ZNF844: variants seen among roughly 807,000 people sequenced by gnomAD.
ZNF844 encodes the protein zinc finger protein 844.
A neutral mutation model predicts 11.4 loss-of-function variants in ZNF844; 11 were observed. The ratio of observed to expected loss-of-function variants is 0.97; its 90% CI spans 0.61 to 1.60. ZNF844 has a LOEUF of 1.60. Among genes scored for constraint, ZNF844 ranks in the 40% most tolerant of loss-of-function variants. The probability of loss-of-function intolerance (pLI) is 0.00; values close to 1 mark genes in which losing one functional copy is unlikely to be tolerated. For missense variants in ZNF844, 790 were observed against 796.8 expected (o/e 0.99, Z 0.10); for synonymous variants, 248 against 260.3 (o/e 0.95, Z 0.46).
intron 1 of ZNF844, among the ~76,000 whole-genome samples, chr19:12,067,250 G>T (rs1214852385): frequency 2.0e-5 from 3 of 151,874 alleles, no homozygotes; most frequent in East Asian, 3.9e-4. Flanking sequence ...GTCAGTCAAG[G>T]CTGCACCGAA....
chr19:12,074,460 A>G (rs1353384840), intron 3 of ZNF844, 39 bp downstream of exon 3: 3 of 1,354,054 alleles, frequency 2.2e-6, no homozygotes, highest in Admixed American at 2.4e-5. Flanking sequence ...GTCTCTCTAG[A>G]AAATCTCAGA....
At chr19:12,074,447 A>G (rs1431315002) in intron 3 of ZNF844, 26 bp downstream of exon 3, 1 of 1,453,322 alleles carries the variant, frequency 6.9e-7, no homozygotes, top group Non-Finnish European at 9.3e-7. Flanking sequence ...GAGACAAAGC[A>G]ATGTCTCTCT....
At chr19:12,071,081 A>G (rs1975748393) in intron 1 of ZNF844, among the ~76,000 whole-genome samples, 1 of 152,128 alleles carries the variant, frequency 6.6e-6, no homozygotes, top group Non-Finnish European at 1.5e-5. Context: ...AGTCCTTGAG[A>G]TCCTCCCAGC....
rs370257100 is a variant in ZNF844, at chr19:12,064,801, C to T, written c.-73C>T. On this transcript the variant is annotated 5_prime_UTR_variant, in exon 1 of 4. Coordinates refer to ENST00000439326, the MANE Select transcript of ZNF844 (RefSeq NM_001136501.3). ...CTGCTCTGAGAGGGACCGGTTGCCA[C>T]CGCCATACTTCTGTCGCCCTGTCGT... 1.2e-5 allele frequency: 18 copies of T among 1,528,388 alleles called. No individual in the cohort carries two copies. The South Asian group carries it at 1.3e-4, about 11-fold the overall frequency. The allele number at this position is 1,528,388 out of a possible 1,614,324, so 94.7% of individuals were successfully genotyped here.
intron 1 of ZNF844, among the ~76,000 whole-genome samples, chr19:12,072,227 G>A (rs568679843): frequency 5.3e-5 from 8 of 152,272 alleles, no homozygotes; most frequent in Admixed American, 2.6e-4. Flanking sequence ...GGGACAGAAA[G>A]TTATTTTGTA....
chr19:12,079,610 A>T lies in ZNF844; in HGVS notation c.*2489A>T, dbSNP rs1229886342. On this transcript the variant is annotated 3_prime_UTR_variant, in exon 4 of 4. Transcript: ENST00000439326. ...GAGCTGGATGTTGCAGTGACCCGAG[A>T]TTACGCCACTGTACCCCAGCAGAGT... 1.3e-5 allele frequency: 2 copies of T among 151,000 alleles called. No individual in the cohort carries two copies. Among genetic ancestry groups the T allele is most frequent in the Non-Finnish European group, 2.9e-5 (2 of 67,988 alleles). 9.4% of individuals were successfully genotyped at this position (151,000 alleles called of 1,614,324 possible).
chr19:12,075,438 T>G lies in ZNF844; in HGVS notation c.318T>G (p.Ser106Arg). The change falls in exon 4 of 4, where the codon AGT (serine) becomes AGG (arginine). Residue 106 changes from serine (S) to arginine (R), a missense_variant. This residue lies in a region of ZNF844 where 129 missense variants were observed against 144.0 expected (regional missense o/e 0.90). Transcript: ENST00000439326. ...TSPGVKSCESSVCGEVFVGHS... is the reference protein window; with the variant it reads ...TSPGVKSCESRVCGEVFVGHS... ...CTGGAGTAAAATCATGTGAAAGCAG[T>G]GTGTGTGGAGAAGTCTTCGTGGGTC... The G allele has an allele frequency of 1.2e-6, 2 of 1,611,210 alleles. No individual in the cohort carries two copies. The highest frequency in any genetic ancestry group is 1.7e-6 in the Non-Finnish European group (2 of 1,178,942).
chr19:12,077,095 G>A lies in ZNF844; in HGVS notation c.1975G>A (p.Asp659Asn), dbSNP rs942192183. The change falls in exon 4 of 4, where the codon GAC becomes AAC. Residue 659 changes from aspartate (D) to asparagine (N), a missense_variant. Asp to Asn is a conservative substitution (Grantham distance 23, BLOSUM62 1). This residue lies in a region of ZNF844 where 657 missense variants were observed against 636.2 expected (regional missense o/e 1.03). Transcript: ENST00000439326. ...TTCAGTTTGCCTGGTTCCTTTCGTA[G>A]ACATAAAAGGGCTCACACTGGAGTG... ...KHSVCLVPFV[D>N]IKGLTLE The A allele has an allele frequency of 1.2e-5, 19 of 1,596,146 alleles. No individual in the cohort carries two copies. The highest frequency in any genetic ancestry group is 3.4e-5 in the South Asian group (3 of 89,220).
chr19:12,077,134 G>A lies in ZNF844; in HGVS notation c.*13G>A. ...CACACTGGAGTGAAACCGTATGAAT[G>A]CAAGGAATGTGGCAAAGCCTTCACT... is the stretch of plus-strand genomic sequence containing the variant. On this transcript the variant is annotated 3_prime_UTR_variant, in exon 4 of 4. Coordinates refer to ENST00000439326, the MANE Select transcript of ZNF844 (RefSeq NM_001136501.3). The A allele has an allele frequency of 6.2e-7, 1 of 1,600,764 alleles. No homozygotes were observed. The highest frequency in any genetic ancestry group is 8.5e-7 in the Non-Finnish European group (1 of 1,173,622).
At chr19:12,069,266 T>C (rs1975726780) in intron 1 of ZNF844, among the ~76,000 whole-genome samples, 1 of 136,854 alleles carries the variant, frequency 7.3e-6, no homozygotes, top group Admixed American at 7.9e-5. Context: ...CACTGCAACC[T>C]CTGCCTCCTG....
At chr19:12,074,549 C>A in intron 3 of ZNF844, 128 bp downstream of exon 3, 1 of 749,104 alleles carries the variant, frequency 1.3e-6, no homozygotes, top group Non-Finnish European at 2.2e-6. Context: ...AATATTCACT[C>A]TAAAAACCTA....
In ZNF844 at chr19:12,074,151, T is replaced by A. The variant is rs1276624544; in HGVS notation, c.124T>A (p.Ser42Thr). 3 of 1,613,696 alleles carry A rather than the reference T, an allele frequency of 1.9e-6. No homozygotes were observed. The highest frequency in any genetic ancestry group is 2.5e-6 in the Non-Finnish European group (3 of 1,179,808). Residue 42 changes from serine to threonine, a missense_variant, in exon 2 of 4, where the codon TCC (serine) becomes ACC (threonine). Physicochemically the swap from Ser to Thr is moderately conservative, Grantham distance 58 (BLOSUM62 1). This residue lies in a region of ZNF844 where 129 missense variants were observed against 144.0 expected (regional missense o/e 0.90). Coordinates refer to ENST00000439326, the MANE Select transcript of ZNF844 (RefSeq NM_001136501.3). Reference protein sequence around the residue: ...VMQETLRNLASIGEKWKDQNI... With the variant: ...VMQETLRNLATIGEKWKDQNI... Reference sequence around the variant, plus strand: ...GCAGGAAACCTTGAGGAATCTGGCCTCCATAGGTAAGAATGACAGTATTAC... The same window carrying A: ...GCAGGAAACCTTGAGGAATCTGGCCACCATAGGTAAGAATGACAGTATTAC...
chr19:12,075,910 A>G lies in ZNF844; in HGVS notation c.790A>G (p.Ser264Gly). ...ECKECGKAFG[S>G]PNSLYEHRRT... is the part of the protein sequence containing the mutation. ...TAAGGAATGTGGGAAAGCATTCGGT[A>G]GTCCCAATTCCCTTTATGAACATAG... Residue 264 changes from serine to glycine, a missense_variant, in exon 4 of 4, where the codon AGT becomes GGT. By Grantham distance (56) the Ser-to-Gly change is moderately conservative. Transcript: ENST00000439326. 1.2e-6 allele frequency: 2 copies of G among 1,603,358 alleles called. No homozygotes were observed. The highest frequency in any genetic ancestry group is 1.7e-6 in the Non-Finnish European group (2 of 1,174,330).
In ZNF844 at chr19:12,080,876, C is replaced by T. The variant is rs1431015617; in HGVS notation, c.*3755C>T. On this transcript the variant is annotated 3_prime_UTR_variant, in exon 4 of 4. Transcript: ENST00000439326. ...TCAAGTGATTCTGGTGTCTCAGCCACCTGAGTAGTCAGGATTACAGGTGCA... is the reference window on the plus strand; with the variant it reads ...TCAAGTGATTCTGGTGTCTCAGCCATCTGAGTAGTCAGGATTACAGGTGCA... The T allele has an allele frequency of 6.6e-6, 1 of 152,110 alleles. No individual in the cohort carries two copies. Among genetic ancestry groups the T allele is most frequent in the Non-Finnish European group, 1.5e-5 (1 of 68,056 alleles). The allele number at this position is 152,110 out of a possible 1,614,324, so 9.4% of individuals were successfully genotyped here.
At position 12,067,931 on chromosome 19, in the gene ZNF844, A is replaced by AGAAG. The variant is rs1202021377; in HGVS notation, c.3+3058_3+3059insGGAA. Among the ~76,000 whole-genome samples, 126 of 56,216 alleles carry AGAAG rather than the reference A, an allele frequency of 2.2e-3. 1 individual carries two copies. Among genetic ancestry groups the AGAAG allele is most frequent in the East Asian group, 0.011 (26 of 2,348 alleles). 36.9% of individuals were successfully genotyped at this position (56,216 alleles called of 152,430 possible). ...TGTCTCAAAAAAAAGAAAGAAAGAA[A>AGAAG]GAAAGAAAGAAAGAAGGAAAGAAGG... On this transcript the variant is annotated intron_variant, in intron 1 of 3. Transcript: ENST00000439326.
rs370179061 is a variant in ZNF844 at position 12,080,762 on chromosome 19, CT to C, written c.*3650del. 8.4e-3 allele frequency: 1,265 copies of C among 151,456 alleles called. 24 individuals carry two copies. Among genetic ancestry groups the C allele is most frequent in the African/African-American group, 0.029 (1,195 of 41,240 alleles). 9.4% of individuals were successfully genotyped at this position (151,456 alleles called of 1,614,324 possible). On this transcript the variant is annotated 3_prime_UTR_variant, in exon 4 of 4. Transcript: ENST00000439326. ...CATCTGTAATACAGTTTTTCTTTTT[CT>C]TTTTTTTTGAGACAAGGTCTCTCTC...
rs1975807707 is a variant in ZNF844 at position 12,075,933 on chromosome 19, TAGA to T, written c.818_820del (p.Arg273del). The T allele has an allele frequency of 1.2e-6, 2 of 1,600,298 alleles. No homozygotes were observed. The highest frequency in any genetic ancestry group is 8.5e-7 in the Non-Finnish European group (1 of 1,172,574). ...GTAGTCCCAATTCCCTTTATGAACA[TAGA>T]AGAACTCACACTGGAGAGAAGCCAT... On this transcript the variant is annotated inframe_deletion, in exon 4 of 4. Transcript: ENST00000439326.
chr19:12,075,353 A>C lies in ZNF844; in HGVS notation c.233A>C (p.Asn78Thr). ...AGAGTTGATGAAAATACAGAAGAAA[A>C]TCATTGTGGAGAAACTTCTAGCCAG... ...GERVDENTEE[N>T]HCGETSSQIP... The change falls in exon 4 of 4, where the codon AAT (asparagine) becomes ACT (threonine). Residue 78 changes from asparagine (N) to threonine (T), a missense_variant. Transcript: ENST00000439326. The C allele has an allele frequency of 6.6e-7, 1 of 1,511,622 alleles. No individual in the cohort carries two copies. Among genetic ancestry groups the C allele is most frequent in the Non-Finnish European group, 8.8e-7 (1 of 1,132,024 alleles). 93.6% of individuals were successfully genotyped at this position (1,511,622 alleles called of 1,614,324 possible).
At position 12,075,900 on chromosome 19, in the gene ZNF844, A is replaced by G. The variant is rs1286470248; in HGVS notation, c.780A>G (p.Lys260=). Residue 260 remains lysine, a synonymous_variant, in exon 4 of 4, where the codon AAA becomes AAG. Coordinates refer to ENST00000439326, the MANE Select transcript of ZNF844 (RefSeq NM_001136501.3). ...EKPYECKECG[K]AFGSPNSLYE... The stretch of plus-strand genomic sequence containing the variant: ...CTTATGAATGTAAGGAATGTGGGAA[A>G]GCATTCGGTAGTCCCAATTCCCTTT... 1.9e-5 allele frequency: 31 copies of G among 1,608,036 alleles called. No individual in the cohort carries two copies. Among genetic ancestry groups the G allele is most frequent in the Non-Finnish European group, 2.6e-5 (31 of 1,176,762 alleles).
Sources: gnomAD v4.1 joint callset for allele counts (sites outside exome capture counted in the v4.1 genomes callset) on GRCh38, gnomAD v4.1.1 for gene constraint, gnomAD v4.1.1 regional missense constraint, MANE v1.5 for transcripts, NCBI Gene and HGNC (gene_info 2026-07-23, HGNC 2026-07-21) for gene names.